The following LRRC74A variants were observed in gnomAD, a reference collection of about 807,000 sequenced individuals.
LRRC74A encodes the protein leucine-rich repeat-containing protein 74A.
Under a neutral mutation model 57.9 loss-of-function variants are expected in LRRC74A, and 44 were observed. The observed-to-expected ratio is 0.76, with a 90% CI of 0.60 to 0.98. The LOEUF is 0.98. LRRC74A is among the 50% of genes least tolerant of loss of function. LRRC74A has a pLI of 0.00. For missense variants in LRRC74A, 572 were observed against 574.0 expected (o/e 1.00, Z 0.04); for synonymous variants, 211 against 219.4 (o/e 0.96, Z 0.34).
intron 11 of LRRC74A, among the ~76,000 whole-genome samples, chr14:76,865,315 C>T (rs1898690854): frequency 6.6e-6 from 1 of 152,134 alleles, no homozygotes; most frequent in Non-Finnish European, 1.5e-5. Context: ...TATGGAGGGC[C>T]TGCCTTTTCA....
intron 4 of LRRC74A, among the ~76,000 whole-genome samples, chr14:76,836,957 A>G (rs2140267583): frequency 6.6e-6 from 1 of 152,204 alleles, no homozygotes; most frequent in South Asian, 2.1e-4. Context: ...CCTGGCCAAC[A>G]TGGTGGAACC....
rs1186440339 is a variant in LRRC74A at position 76,853,309 on chromosome 14, T to C, written c.856T>C (p.Cys286Arg). 2 of 1,613,526 alleles carry C rather than the reference T, an allele frequency of 1.2e-6. No individual in the cohort carries two copies. Among genetic ancestry groups the C allele is most frequent in the Non-Finnish European group, 1.7e-6 (2 of 1,179,568 alleles). ...ALGEVLRLNR[C>R]LVYLDIGGND... The stretch of plus-strand genomic sequence containing the variant: ...AGGGGAAGTCCTCCGACTCAACCGC[T>C]GCCTGGTCTACCTGGATATCGGTGG... Residue 286 changes from cysteine to arginine, a missense_variant, in exon 9 of 14, where the codon TGC becomes CGC. By Grantham distance (180) the Cys-to-Arg change is radical (BLOSUM62 -3). Coordinates refer to ENST00000689127, the MANE Select transcript of LRRC74A (RefSeq NM_001385106.1).
rs191030730 is a variant in LRRC74A at position 76,846,029 on chromosome 14, C to A, written c.676+1128C>A. On this transcript the variant is annotated intron_variant, in intron 7 of 13. Coordinates refer to ENST00000689127, the MANE Select transcript of LRRC74A (RefSeq NM_001385106.1). ...GGAGACTCCAGCTCAAAAACAAAAA[C>A]AAAGACAGGCAACAGACAGGGAGTA... Among the ~76,000 whole-genome samples the A allele has an allele frequency of 1.7e-4, 26 of 152,232 alleles. 1 individual carries two copies. The South Asian group carries it at 5.4e-3, about 32-fold the overall frequency.
chr14:76,842,479 G>T (rs569062578), intron 5 of LRRC74A, among the ~76,000 whole-genome samples: 8 of 152,170 alleles, frequency 5.3e-5, no homozygotes. Flanking sequence ...TGGAATCTGT[G>T]TTTTATCAAA....
intron 7 of LRRC74A, among the ~76,000 whole-genome samples, chr14:76,848,661 G>A (rs1302293041): frequency 2.6e-5 from 4 of 152,228 alleles, no homozygotes; most frequent in Non-Finnish European, 5.9e-5. Context: ...GAAAAAGGGG[G>A]CAGGAGCCAA....
intron 1 of LRRC74A, among the ~76,000 whole-genome samples, chr14:76,827,966 C>A (rs1387185942): frequency 6.6e-6 from 1 of 152,190 alleles, no homozygotes; most frequent in African/African-American, 2.4e-5. Context: ...CACCCCAAAA[C>A]CCACCCAAAC....
rs59087508 is a variant in LRRC74A, at chr14:76,843,287, C to CA, written c.545-1100dup. Among the ~76,000 whole-genome samples, 57 of 130,550 alleles carry CA rather than the reference C, an allele frequency of 4.4e-4. 1 individual carries two copies. The highest frequency in any genetic ancestry group is 5.6e-4 in the African/African-American group (18 of 32,286). 85.6% of individuals were successfully genotyped at this position (130,550 alleles called of 152,430 possible). ...TGGGTGACAGAGCGAGACTCCGTCT[C>CA]AAAAAAAAAAAAAAAAAAAAAAAAA... On this transcript the variant is annotated intron_variant, in intron 5 of 13. Coordinates refer to ENST00000689127, the MANE Select transcript of LRRC74A (RefSeq NM_001385106.1).
chr14:76,839,143 A>G (rs1168717730), intron 5 of LRRC74A, among the ~76,000 whole-genome samples: 1 of 152,340 alleles, frequency 6.6e-6, no homozygotes, highest in African/African-American at 2.4e-5. Flanking sequence ...GTAATGTTTT[A>G]AAGGACTTTC....
rs373355833 is a variant in LRRC74A at position 76,830,461 on chromosome 14, G to A, written c.167-742G>A. Reference sequence around the variant, plus strand: ...AGGCCCCCAGGGGTTAGAATGGAAAGGTGCAGTCCCCACTTCTGTTAGCTG... The same window carrying A: ...AGGCCCCCAGGGGTTAGAATGGAAAAGTGCAGTCCCCACTTCTGTTAGCTG... On this transcript the variant is annotated intron_variant, in intron 2 of 13. Coordinates refer to ENST00000689127, the MANE Select transcript of LRRC74A (RefSeq NM_001385106.1). Among the ~76,000 whole-genome samples the A allele has an allele frequency of 9.8e-4, 149 of 152,348 alleles. 4 individuals carry two copies. In the South Asian group the frequency reaches 0.03, roughly 30 times the overall value.
chr14:76,850,006 A>G (rs1897337833), intron 7 of LRRC74A, among the ~76,000 whole-genome samples: 2 of 152,136 alleles, frequency 1.3e-5, no homozygotes, highest in South Asian at 4.2e-4. Context: ...CAGGAGATTG[A>G]GACCATCCTG....
intron 11 of LRRC74A, among the ~76,000 whole-genome samples, chr14:76,861,063 G>A (rs1442119473): frequency 6.6e-6 from 1 of 152,224 alleles, no homozygotes; most frequent in East Asian, 1.9e-4. Flanking sequence ...GAAGGGCTGA[G>A]ATCTAGCTGA....
At chr14:76,866,142 G>A (rs895239979) in intron 12 of LRRC74A, 67 bp downstream of exon 12, 1 of 1,217,570 alleles carries the variant, frequency 8.2e-7, no homozygotes, top group African/African-American at 1.5e-5. Context: ...GTCAGAGAGA[G>A]GGGAGAGGAG....
rs754207024 is a variant in LRRC74A, at chr14:76,865,918, C to G, written c.1201-50C>G. Reference sequence around the variant, plus strand: ...GTGGGAGGGAAGGGGGACCTGCGATCGTTGTTACAAGACCAAGTGTTTGCT... The same window carrying G: ...GTGGGAGGGAAGGGGGACCTGCGATGGTTGTTACAAGACCAAGTGTTTGCT... On this transcript the variant is annotated intron_variant, in intron 11 of 13. Transcript: ENST00000689127. 8.7e-6 allele frequency: 12 copies of G among 1,376,580 alleles called. 1 individual carries two copies. The highest frequency in any genetic ancestry group is 8.7e-5 in the South Asian group (7 of 80,754). The allele number at this position is 1,376,580 out of a possible 1,614,324, so 85.3% of individuals were successfully genotyped here.
At chr14:76,859,262 C>T (rs796371456) in intron 10 of LRRC74A, among the ~76,000 whole-genome samples, 6 of 152,050 alleles carry the variant, frequency 3.9e-5, no homozygotes, top group East Asian at 3.9e-4. Context: ...CTCTCAGGCG[C>T]GGTGACTCAC....
In LRRC74A at chr14:76,860,750, C is replaced by A; in HGVS notation, c.1111C>A (p.Pro371Thr). The A allele has an allele frequency of 6.2e-7, 1 of 1,611,984 alleles. No homozygotes were observed. Among genetic ancestry groups the A allele is most frequent in the Non-Finnish European group, 8.5e-7 (1 of 1,178,278 alleles). The change falls in exon 11 of 14, where the codon CCG becomes ACG. Residue 371 changes from proline (P) to threonine (T), a missense_variant. Coordinates refer to ENST00000689127, the MANE Select transcript of LRRC74A (RefSeq NM_001385106.1). ...KTLDGVYAVH[P>T]QLDVVFKAVQ... ...GTTGGACGGAGTGTATGCCGTTCAC[C>A]CGCAGCTGGACGTGGTATTCAAGGC...
At chr14:76,867,465 C>CTTGCAGAGAACGGG in intron 13 of LRRC74A, 27 bp downstream of exon 13, 2 of 1,320,598 alleles carry the variant, frequency 1.5e-6, no homozygotes, top group Non-Finnish European at 2.2e-6. Flanking sequence ...CGACGATCCC[C>CTTGCAGAGAACGGG]GTTCTCTGCA....
Position 76,837,863 on chromosome 14 carries a change from C to T in LRRC74A, c.448-12C>T, listed in dbSNP as rs1286951164. The T allele has an allele frequency of 1.9e-6, 3 of 1,541,366 alleles. No homozygotes were observed. The highest frequency in any genetic ancestry group is 2.7e-6 in the Non-Finnish European group (3 of 1,130,180). On this transcript the variant is annotated splice_polypyrimidine_tract_variant and intron_variant, in intron 4 of 13. Coordinates refer to ENST00000689127, the MANE Select transcript of LRRC74A (RefSeq NM_001385106.1). ...GCTTTTTTACATACCGAAGTGTTTT[C>T]TTGCCTTTTAGAATATTTCCAACAA...
At chr14:76,839,669 T>C (rs1481878502) in intron 5 of LRRC74A, among the ~76,000 whole-genome samples, 1 of 152,238 alleles carries the variant, frequency 6.6e-6, no homozygotes, top group Non-Finnish European at 1.5e-5. Context: ...TTTTCTTTTC[T>C]ATGAAATGTC....
chr14:76,829,719 T>C lies in LRRC74A; in HGVS notation c.166+1300T>C, dbSNP rs150249345. 1.6e-3 allele frequency among the ~76,000 whole-genome samples: 241 copies of C among 152,322 alleles called. 1 individual carries two copies. The highest frequency in any genetic ancestry group is 2.2e-3 in the Non-Finnish European group (151 of 68,042). On this transcript the variant is annotated intron_variant, in intron 2 of 13. Coordinates refer to ENST00000689127, the MANE Select transcript of LRRC74A (RefSeq NM_001385106.1). Reference sequence around the variant, plus strand: ...TGCTTTTGCCAACAGGAACCTCTAATGGCTGAATGTGGCACCAAAAACTCT... The same window carrying C: ...TGCTTTTGCCAACAGGAACCTCTAACGGCTGAATGTGGCACCAAAAACTCT...
Sources: allele counts gnomAD v4.1 joint callset (sites outside exome capture counted in the v4.1 genomes callset), GRCh38; gene constraint gnomAD v4.1.1; transcripts MANE v1.5; gene names NCBI Gene and HGNC (gene_info 2026-07-23, HGNC 2026-07-21).